CDH11: variants seen among roughly 807,000 people sequenced by gnomAD.
CDH11 encodes the protein cadherin-11.
In CDH11, 11 loss-of-function variants were observed where a neutral mutation model predicts 67.8. That is an observed-to-expected ratio of 0.16 (90% CI 0.10 to 0.27). The LOEUF (loss-of-function observed/expected upper bound fraction) is 0.27. Among genes scored for constraint, CDH11 ranks in the 10% least tolerant of loss-of-function variants. CDH11 has a pLI of 1.00. For synonymous variants in CDH11, 419 were observed against 400.0 expected (o/e 1.05, Z -0.57); for missense variants, 847 against 1,031.2 (o/e 0.82, Z 2.45).
chr16:65,047,729 A>C (rs192781228), intron 2 of CDH11, among the ~76,000 whole-genome samples: 179 of 152,326 alleles, frequency 1.2e-3, no homozygotes, highest in Non-Finnish European at 1.2e-3. Flanking sequence ...GATACATAAA[A>C]ATAAAAACAA....
Position 64,972,625 on chromosome 16 carries a change from G to C in CDH11, c.1390+279C>G, listed in dbSNP as rs553786899. On this transcript the variant is annotated intron_variant, in intron 9 of 12. Coordinates refer to ENST00000268603, the MANE Select transcript of CDH11 (RefSeq NM_001797.4). Reference sequence around the variant, plus strand: ...TTCAGTGAAGACTAGTGACTGGATGGAGTGGGAAATCTTTCAGTGATGGTT... The same window carrying C: ...TTCAGTGAAGACTAGTGACTGGATGCAGTGGGAAATCTTTCAGTGATGGTT... Among the ~76,000 whole-genome samples, 5 of 152,282 alleles carry C rather than the reference G, an allele frequency of 3.3e-5. No individual in the cohort carries two copies. In the East Asian group the frequency reaches 9.7e-4, roughly 30 times the overall value.
rs1008794218 is a variant in CDH11, at chr16:65,005,003, G to A, written c.-134C>T. The A allele has an allele frequency of 2.1e-6, 3 of 1,415,464 alleles. No individual in the cohort carries two copies. Among genetic ancestry groups the A allele is most frequent in the South Asian group, 1.6e-5 (1 of 64,188 alleles). 87.7% of individuals were successfully genotyped at this position (1,415,464 alleles called of 1,614,324 possible). A position where few individuals can be genotyped will look rare whatever the true frequency, so the allele number is the denominator to read the frequency against. On this transcript the variant is annotated 5_prime_UTR_variant, in exon 3 of 13. Transcript: ENST00000268603. ...GGGATGGAATGTCTCTGCTGGTTGA[G>A]CTCATCACGTCAGGGCTGCCCACGT...
rs71143552 is a variant in CDH11, at chr16:65,111,674, A to AACACACACACACACACAC, written c.-298+10188_-298+10205dup. Among the ~76,000 whole-genome samples, 99 of 140,726 alleles carry AACACACACACACACACAC rather than the reference A, an allele frequency of 7.0e-4. 1 individual carries two copies. Among genetic ancestry groups the AACACACACACACACACAC allele is most frequent in the East Asian group, 5.2e-3 (24 of 4,632 alleles). The allele number at this position is 140,726 out of a possible 152,430, so 92.3% of individuals were successfully genotyped here. ...GTCCTTTCCTCTGAGGAAAGCTAGA[A>AACACACACACACACACAC]ACACACACACACACACACACACACA... On this transcript the variant is annotated intron_variant, in intron 1 of 12. Coordinates refer to ENST00000268603, the MANE Select transcript of CDH11 (RefSeq NM_001797.4).
chr16:64,975,614 G>A lies in CDH11; in HGVS notation c.1254-2574C>T, dbSNP rs114354223. On this transcript the variant is annotated intron_variant, in intron 8 of 12. Transcript: ENST00000268603. ...CTTCTCACCTGAGTGTCTGAGAGAGGGAGATTTAAAGACATTGAAAAAGAA... is the reference window on the plus strand; with the variant it reads ...CTTCTCACCTGAGTGTCTGAGAGAGAGAGATTTAAAGACATTGAAAAAGAA... Among the ~76,000 whole-genome samples the A allele has an allele frequency of 3.4e-3, 511 of 152,194 alleles. 2 individuals are homozygous for A. Among genetic ancestry groups the A allele is most frequent in the African/African-American group, 0.012 (496 of 41,518 alleles).
chr16:64,992,339 GT>G (rs2072649650), intron 5 of CDH11, among the ~76,000 whole-genome samples: 1 of 152,188 alleles, frequency 6.6e-6, no homozygotes, highest in South Asian at 2.1e-4. Context: ...TGCATATTAA[GT>G]TTAAAGCAGG....
intron 2 of CDH11, among the ~76,000 whole-genome samples, chr16:65,037,650 C>T (rs2073779765): frequency 1.3e-5 from 2 of 152,176 alleles, no homozygotes; most frequent in Admixed American, 6.5e-5. Flanking sequence ...CCATCAAAGA[C>T]ACCTGCTTCT....
At chr16:64,964,034 A>T (rs1479575321) in intron 11 of CDH11, among the ~76,000 whole-genome samples, 1 of 152,258 alleles carries the variant, frequency 6.6e-6, no homozygotes, top group Non-Finnish European at 1.5e-5. Flanking sequence ...AGAAGGAATA[A>T]GTGATGAAGA....
At chr16:64,975,294 CT>C (rs759157463) in intron 8 of CDH11, among the ~76,000 whole-genome samples, 4 of 152,116 alleles carry the variant, frequency 2.6e-5, no homozygotes, top group African/African-American at 4.8e-5. Context: ...AGAGTGTGAC[CT>C]TCATCCTAGA....
At chr16:64,983,886 G>A (rs534087332) in intron 7 of CDH11, among the ~76,000 whole-genome samples, 6 of 152,316 alleles carry the variant, frequency 3.9e-5, no homozygotes, top group Admixed American at 3.3e-4. Context: ...AATCAGAAAA[G>A]TGGAAATTTT....
intron 1 of CDH11, among the ~76,000 whole-genome samples, chr16:65,108,764 C>T (rs1254786603): frequency 6.6e-6 from 1 of 152,016 alleles, no homozygotes; most frequent in Non-Finnish European, 1.5e-5. Context: ...TACTAAGCTG[C>T]CTATATAGCC....
At position 65,084,594 on chromosome 16, in the gene CDH11, G is replaced by A. The variant is rs1045236115; in HGVS notation, c.-297-30666C>T. Among the ~76,000 whole-genome samples, 11 of 152,140 alleles carry A rather than the reference G, an allele frequency of 7.2e-5. 1 individual carries two copies. Among genetic ancestry groups the A allele is most frequent in the Admixed American group, 4.6e-4 (7 of 15,274 alleles). ...GGGAATCATATAAGTGAGAATAGTCGTCATTTTTGTGCAGAGTGATGGCTT... is the reference window on the plus strand; with the variant it reads ...GGGAATCATATAAGTGAGAATAGTCATCATTTTTGTGCAGAGTGATGGCTT... On this transcript the variant is annotated intron_variant, in intron 1 of 12. Coordinates refer to ENST00000268603, the MANE Select transcript of CDH11 (RefSeq NM_001797.4).
intron 11 of CDH11, among the ~76,000 whole-genome samples, chr16:64,958,208 A>G (rs2071571299): frequency 1.3e-5 from 2 of 152,210 alleles, no homozygotes; most frequent in Admixed American, 1.3e-4. Flanking sequence ...GTGTTGACAG[A>G]ATAAATGGCT....
At chr16:65,099,033 G>A (rs141794510) in intron 1 of CDH11, among the ~76,000 whole-genome samples, 127 of 152,208 alleles carry the variant, frequency 8.3e-4, no homozygotes, top group African/African-American at 3.0e-3. Context: ...TCTTAGTCAT[G>A]CATTCATTCA....
At chr16:65,010,005 C>G (rs921347920) in intron 2 of CDH11, among the ~76,000 whole-genome samples, 1 of 152,166 alleles carries the variant, frequency 6.6e-6, no homozygotes, top group Non-Finnish European at 1.5e-5. Flanking sequence ...TGGACTCCTG[C>G]TGGAAATTGT....
chr16:64,970,435 G>C (rs2071973193), intron 11 of CDH11, among the ~76,000 whole-genome samples: 1 of 152,032 alleles, frequency 6.6e-6, no homozygotes, highest in Non-Finnish European at 1.5e-5. Context: ...ACTTTTATTT[G>C]GTTGATTGAT....
At chr16:65,040,674 T>G (rs893343261) in intron 2 of CDH11, among the ~76,000 whole-genome samples, 2 of 152,214 alleles carry the variant, frequency 1.3e-5, no homozygotes, top group Non-Finnish European at 2.9e-5. Flanking sequence ...ACCTGCACGT[T>G]GTGCACATGT....
chr16:64,987,012 C>CA (rs1162575601), intron 7 of CDH11: 1 of 152,052 alleles, frequency 6.6e-6, no homozygotes, highest in Non-Finnish European at 1.5e-5. Context: ...AATTTTCTAT[C>CA]AGTGTTAGAG....
chr16:64,982,341 A>G, intron 7 of CDH11, 40 bp from the exon 8 acceptor site: 1 of 1,525,958 alleles, frequency 6.6e-7, no homozygotes, highest in Non-Finnish European at 9.0e-7. Flanking sequence ...CAATTCCTTG[A>G]AAGAATAATG....
At chr16:65,091,263 TGATA>T (rs1282782287) in intron 1 of CDH11, among the ~76,000 whole-genome samples, 4 of 152,242 alleles carry the variant, frequency 2.6e-5, no homozygotes, top group South Asian at 2.1e-4. Context: ...ATTTTTGCCA[TGATA>T]GATATTTTTG....
Sources: allele counts gnomAD v4.1 joint callset (sites outside exome capture counted in the v4.1 genomes callset), GRCh38; gene constraint gnomAD v4.1.1; transcripts MANE v1.5; gene names NCBI Gene and HGNC (gene_info 2026-07-23, HGNC 2026-07-21).